RBFOX1: variants seen among roughly 807,000 people sequenced by gnomAD.
The protein encoded by RBFOX1 is RNA binding protein fox-1 homolog 1.
A neutral mutation model predicts 57.7 loss-of-function variants in RBFOX1; 8 were observed. The ratio of observed to expected loss-of-function variants is 0.14; its 90% CI spans 0.08 to 0.25. The LOEUF is 0.25. Ranked by LOEUF, RBFOX1 falls within the 10% of genes least tolerant of loss-of-function variation. The pLI is 1.00. For missense variants in RBFOX1, 611 were observed against 548.5 expected, an observed-to-expected ratio of 1.11 and a Z score of -1.14; for synonymous variants, 326 against 222.4, an observed-to-expected ratio of 1.47 and a Z score of -4.15.
chr16:6,787,218 A>G (rs766726425), intron 3 of RBFOX1, among the ~76,000 whole-genome samples: 1 of 152,152 alleles, frequency 6.6e-6, no homozygotes, highest in Non-Finnish European at 1.5e-5. Context: ...AATAAGCTGG[A>G]TAAAGCAGGC....
intron 1 of RBFOX1, among the ~76,000 whole-genome samples, chr16:6,159,655 A>G (rs2096863521): frequency 6.6e-6 from 1 of 152,156 alleles, no homozygotes; most frequent in Admixed American, 6.5e-5. Flanking sequence ...CAGACAGATG[A>G]GGAAATGTCA....
In RBFOX1 at chr16:6,543,857, C is replaced by A. The variant is rs912088759; in HGVS notation, c.-63-110746C>A. Among the ~76,000 whole-genome samples the A allele has an allele frequency of 1.6e-4, 25 of 151,924 alleles. No individual in the cohort carries two copies. The East Asian group carries it at 2.7e-3, about 17-fold the overall frequency. On this transcript the variant is annotated intron_variant, in intron 2 of 15. Transcript: ENST00000550418. ...TCCAGATACACCTGCATGAAAAAAA[C>A]CAAAAGAAGAAGAAGGGGAACCCAG...
intron 1 of RBFOX1, among the ~76,000 whole-genome samples, chr16:5,400,835 G>A (rs2066695071): frequency 6.6e-6 from 1 of 152,130 alleles, no homozygotes; most frequent in Non-Finnish European, 1.5e-5. Flanking sequence ...TGATAGGAGA[G>A]AAGTGGTCAT....
At chr16:6,777,871 G>A (rs762273708) in intron 3 of RBFOX1, among the ~76,000 whole-genome samples, 1 of 152,140 alleles carries the variant, frequency 6.6e-6, no homozygotes, top group African/African-American at 2.4e-5. Flanking sequence ...AGGTGTCAGA[G>A]CTGCCCAAAG....
chr16:6,660,866 G>C (rs1484040201), intron 3 of RBFOX1, among the ~76,000 whole-genome samples: 1 of 152,130 alleles, frequency 6.6e-6, no homozygotes, highest in Non-Finnish European at 1.5e-5. Context: ...GATCTCAGGG[G>C]AGTATGCAAC....
chr16:6,941,360 C>G (rs2078482732), intron 3 of RBFOX1, among the ~76,000 whole-genome samples: 1 of 124,428 alleles, frequency 8.0e-6, no homozygotes, highest in African/African-American at 2.9e-5. Flanking sequence ...CCTTCCTTCT[C>G]TATGGCTTCC....
intron 4 of RBFOX1, among the ~76,000 whole-genome samples, chr16:5,909,451 A>G (rs542146583): frequency 4.4e-4 from 67 of 152,338 alleles, no homozygotes; most frequent in African/African-American, 1.5e-3. Flanking sequence ...TTAATAGATA[A>G]AAGGAGAGAT....
chr16:7,396,076 A>G (rs1160966566), intron 4 of RBFOX1, among the ~76,000 whole-genome samples: 1 of 152,136 alleles, frequency 6.6e-6, no homozygotes, highest in African/African-American at 2.4e-5. Context: ...TGGATTCCCC[A>G]GGGTGCTCTC....
chr16:6,419,945 G>T (rs1195507507), intron 2 of RBFOX1, among the ~76,000 whole-genome samples: 1 of 152,044 alleles, frequency 6.6e-6, no homozygotes, highest in African/African-American at 2.4e-5. Context: ...CATGCTGCAG[G>T]CCCCCCCATC....
At chr16:6,034,353 A>AAAAAAAAAG (rs2095334871) in intron 1 of RBFOX1, among the ~76,000 whole-genome samples, 1 of 145,826 alleles carries the variant, frequency 6.9e-6, no homozygotes, top group African/African-American at 2.5e-5. Context: ...AAAAAAAAAA[A>AAAAAAAAAG]AAAAGAAAAG....
At chr16:6,353,792 G>A (rs560680140) in intron 2 of RBFOX1, among the ~76,000 whole-genome samples, 38 of 152,242 alleles carry the variant, frequency 2.5e-4, no homozygotes, top group African/African-American at 8.4e-4. Context: ...AAGATCTGAA[G>A]GACATTGGAG....
At chr16:7,133,173 A>T (rs2070991056) in intron 4 of RBFOX1, among the ~76,000 whole-genome samples, 1 of 152,200 alleles carries the variant, frequency 6.6e-6, no homozygotes, top group East Asian at 1.9e-4. Context: ...TTAGTATCAG[A>T]TTCTCAATGT....
chr16:6,825,722 G>A (rs2092034041), intron 3 of RBFOX1, among the ~76,000 whole-genome samples: 1 of 152,106 alleles, frequency 6.6e-6, no homozygotes, highest in Non-Finnish European at 1.5e-5. Flanking sequence ...GGAAAGGGAG[G>A]GAGGCAGGGC....
intron 3 of RBFOX1, among the ~76,000 whole-genome samples, chr16:6,955,048 C>G (rs59989429): frequency 0.23 from 34,016 of 147,028 alleles, 4,099 homozygotes; most frequent in South Asian, 0.26. Context: ...CTGGGCAACA[C>G]TGGGAAACCC....
At chr16:5,796,984 G>A (rs573614186) in intron 3 of RBFOX1, among the ~76,000 whole-genome samples, 1 of 152,252 alleles carries the variant, frequency 6.6e-6, no homozygotes, top group African/African-American at 2.4e-5. Flanking sequence ...TCCTGTGCAG[G>A]AGAACTACAG....
intron 2 of RBFOX1, among the ~76,000 whole-genome samples, chr16:6,575,890 T>TAAATAAAA (rs2097427569): frequency 6.6e-6 from 1 of 150,624 alleles, no homozygotes; most frequent in African/African-American, 2.4e-5. Flanking sequence ...AATAAATAAA[T>TAAATAAAA]AAATAAAGAT....
chr16:7,632,215 A>G (rs758888613), intron 11 of RBFOX1, among the ~76,000 whole-genome samples: 3 of 152,144 alleles, frequency 2.0e-5, no homozygotes, highest in Non-Finnish European at 4.4e-5. Flanking sequence ...GGCCCAGACT[A>G]TAATCTTTAA....
intron 3 of RBFOX1, among the ~76,000 whole-genome samples, chr16:6,656,576 TC>T (rs1391434476): frequency 6.8e-6 from 1 of 147,272 alleles, no homozygotes; most frequent in Admixed American, 6.9e-5. Context: ...TGATTTCAGC[TC>T]TTCTCAAGAA....
At chr16:6,112,445 C>T (rs1239731042) in intron 1 of RBFOX1, among the ~76,000 whole-genome samples, 2 of 152,152 alleles carry the variant, frequency 1.3e-5, no homozygotes, top group Non-Finnish European at 2.9e-5. Flanking sequence ...AATCCCAGCA[C>T]TTTGGGAGGC....
Sources: allele counts gnomAD v4.1 joint callset (sites outside exome capture counted in the v4.1 genomes callset), GRCh38; gene constraint gnomAD v4.1.1; transcripts MANE v1.5; gene names NCBI Gene and HGNC (gene_info 2026-07-23, HGNC 2026-07-21).